The following CCDC9B variants were observed in gnomAD, a reference collection of about 807,000 sequenced individuals.
CCDC9B encodes coiled-coil domain containing 9B, also known as coiled-coil domain-containing protein 9B.
In CCDC9B, 40 loss-of-function variants were observed where a neutral mutation model predicts 47.2. The ratio of observed to expected loss-of-function variants is 0.85; its 90% CI spans 0.66 to 1.10. The LOEUF is 1.10. CCDC9B is among the 50% of genes least tolerant of loss of function. The pLI, the probability that CCDC9B is intolerant of heterozygous loss-of-function variation, is 0.00. For synonymous variants in CCDC9B, 238 were observed against 250.7 expected (o/e 0.95, Z 0.48); for missense variants, 662 against 651.0 (o/e 1.02, Z -0.18).
At chr15:40,338,981 A>G (rs1406785204) in intron 3 of CCDC9B, 78 bp from the exon 4 acceptor site, 1 of 1,540,172 alleles carries the variant, frequency 6.5e-7, no homozygotes, top group Admixed American at 1.7e-5. Context: ...GTGGTTCCCC[A>G]GGCCTGGGTT....
At chr15:40,338,166 G>A (rs569490252) in intron 5 of CCDC9B, 5 of 719,344 alleles carry the variant, frequency 7.0e-6, no homozygotes, top group South Asian at 3.0e-5. Flanking sequence ...GTATGCAGAC[G>A]GGCCGGAGTG....
intron 5 of CCDC9B, chr15:40,338,267 C>T (rs1889010402): frequency 3.2e-6 from 2 of 634,444 alleles, no homozygotes; most frequent in Middle Eastern, 4.2e-4. Flanking sequence ...TCAACTCCAC[C>T]CTCCTGCCCC....
rs201328343 is a variant in CCDC9B, at chr15:40,337,804, G to A, written c.603C>T (p.Ile201=). The A allele has an allele frequency of 2.2e-5, 35 of 1,610,196 alleles. No individual in the cohort carries two copies. Among genetic ancestry groups the A allele is most frequent in the African/African-American group, 6.7e-5 (5 of 74,916 alleles). The change falls in exon 6 of 11, where the codon ATC becomes ATT. Residue 201 remains isoleucine, a synonymous_variant. Coordinates refer to ENST00000397536, the MANE Select transcript of CCDC9B (RefSeq NM_207380.3). ...TGTGCCGGGCGAGGCGGGCTAGGTCGATCTGCTCCCGCTCCTGCTTCCACT... is the reference window on the plus strand; with the variant it reads ...TGTGCCGGGCGAGGCGGGCTAGGTCAATCTGCTCCCGCTCCTGCTTCCACT... The part of the protein sequence containing the change: ...YAQWKQEREQ[I]DLARLARHRD...
Position 40,339,980 on chromosome 15 carries a change from C to T in CCDC9B, c.48G>A (p.Gln16=). ...TPRAESPMSR[Q]EKDAELDRRI... is the part of the protein sequence containing the mutation. The stretch of plus-strand genomic sequence containing the variant: ...TCCGATCCAGCTCTGCGTCCTTCTC[C>T]TGCCTGCTCATGGGGGACTCGGCTC... Residue 16 remains glutamine, a synonymous_variant, in exon 2 of 11, where the codon CAG becomes CAA. Coordinates refer to ENST00000397536, the MANE Select transcript of CCDC9B (RefSeq NM_207380.3). The T allele has an allele frequency of 1.2e-6, 2 of 1,613,798 alleles. No homozygotes were observed. Among genetic ancestry groups the T allele is most frequent in the South Asian group, 1.1e-5 (1 of 91,090 alleles).
intron 1 of CCDC9B, chr15:40,340,509 G>C (rs1739317213): frequency 2.2e-6 from 1 of 451,838 alleles, no homozygotes; most frequent in Non-Finnish European, 3.9e-6. Flanking sequence ...CCAGCCTGGA[G>C]GAAAGAGCCG....
Position 40,338,841 on chromosome 15 carries a change from C to CA in CCDC9B, c.293_294insT (p.Glu98AspfsTer4). The stretch of plus-strand genomic sequence containing the variant: ...CCTCAGCATCCTCATCCTCAAGCAT[C>CA]TCGTTGGTCACTCTGGGTCCACAGG... On this transcript the variant is annotated frameshift_variant, in exon 4 of 11. Coordinates refer to ENST00000397536, the MANE Select transcript of CCDC9B (RefSeq NM_207380.3). LOFTEE classifies it high-confidence loss of function. 6.2e-7 allele frequency: 1 copy of CA among 1,614,220 alleles called. No individual in the cohort carries two copies. Among genetic ancestry groups the CA allele is most frequent in the Non-Finnish European group, 8.5e-7 (1 of 1,180,028 alleles).
In CCDC9B at chr15:40,334,105, C is replaced by T. The variant is rs2141245032; in HGVS notation, c.*1053G>A. 1 of 152,858 alleles carries T rather than the reference C, an allele frequency of 6.5e-6. No homozygotes were observed. Among genetic ancestry groups the T allele is most frequent in the South Asian group, 2.1e-4 (1 of 4,820 alleles). The allele number at this position is 152,858 out of a possible 1,614,324, so 9.5% of individuals were successfully genotyped here. A position where few individuals can be genotyped will look rare whatever the true frequency, so the allele number is the denominator to read the frequency against. ...TTCTTCCCTCCCTCCTGCTGGCAGT[C>T]TCCGTCGCCTACCGGCTGGATTACT... On this transcript the variant is annotated 3_prime_UTR_variant, in exon 11 of 11. Transcript: ENST00000397536.
Position 40,338,855 on chromosome 15 carries a change from T to G in CCDC9B, c.280A>C (p.Arg94=), listed in dbSNP as rs1220748757. The part of the protein sequence containing the change: ...RNWARGTCGP[R]VTNEMLEDED... The stretch of plus-strand genomic sequence containing the variant: ...TCCTCAAGCATCTCGTTGGTCACTC[T>G]GGGTCCACAGGTACCCCTTGCCCAG... Residue 94 remains arginine (R), a synonymous_variant, in exon 4 of 11, where the codon AGA becomes CGA. Coordinates refer to ENST00000397536, the MANE Select transcript of CCDC9B (RefSeq NM_207380.3). 4 of 1,614,180 alleles carry G rather than the reference T, an allele frequency of 2.5e-6. No individual in the cohort carries two copies. Among genetic ancestry groups the G allele is most frequent in the East Asian group, 4.5e-5 (2 of 44,884 alleles).
rs754292789 is a variant in CCDC9B at position 40,333,238 on chromosome 15, G to A, written c.*1920C>T. 6.6e-6 allele frequency: 1 copy of A among 152,320 alleles called. No homozygotes were observed. Among genetic ancestry groups the A allele is most frequent in the Non-Finnish European group, 1.5e-5 (1 of 68,106 alleles). The allele number at this position is 152,320 out of a possible 1,614,324, so 9.4% of individuals were successfully genotyped here. ...CTTAACTACTCAAAACCATGGTCCA[G>A]GAACCAGCATGGGCTTCACCTGAAG... On this transcript the variant is annotated 3_prime_UTR_variant, in exon 11 of 11. Transcript: ENST00000397536.
chr15:40,338,474 C>A, intron 5 of CCDC9B, 61 bp downstream of exon 5: 1 of 1,576,114 alleles, frequency 6.3e-7, no homozygotes, highest in Admixed American at 1.8e-5. Flanking sequence ...GACTCAGCTT[C>A]TCTGCCTCCC....
In CCDC9B at chr15:40,338,669, G is replaced by A; in HGVS notation, c.388-9C>T. The A allele has an allele frequency of 1.9e-6, 3 of 1,613,912 alleles. No homozygotes were observed. The highest frequency in any genetic ancestry group is 8.5e-7 in the Non-Finnish European group (1 of 1,179,922). On this transcript the variant is annotated splice_polypyrimidine_tract_variant and intron_variant, in intron 4 of 10. Coordinates refer to ENST00000397536, the MANE Select transcript of CCDC9B (RefSeq NM_207380.3). Reference sequence around the variant, plus strand: ...CTTACAATCCGTTTGCCCTGGGGAGGATGAAGATGGGCAGTGCAGCAGAGC... The same window carrying A: ...CTTACAATCCGTTTGCCCTGGGGAGAATGAAGATGGGCAGTGCAGCAGAGC...
rs1330281837 is a variant in CCDC9B, at chr15:40,338,913, A to G, written c.232-10T>C. 13 of 1,613,510 alleles carry G rather than the reference A, an allele frequency of 8.1e-6. No individual in the cohort carries two copies. The highest frequency in any genetic ancestry group is 1.1e-5 in the Non-Finnish European group (13 of 1,179,980). On this transcript the variant is annotated splice_polypyrimidine_tract_variant and intron_variant, in intron 3 of 10. Coordinates refer to ENST00000397536, the MANE Select transcript of CCDC9B (RefSeq NM_207380.3). ...TAACCACCCGCTTTTCCTGCAGAAC[A>G]AAGACCCTCAGGCCACATGGGCAGT... is the stretch of plus-strand genomic sequence containing the variant.
At position 40,338,766 on chromosome 15, in the gene CCDC9B, G is replaced by A. The variant is rs189762607; in HGVS notation, c.369C>T (p.Thr123=). The change falls in exon 4 of 11, where the codon ACC becomes ACT. Residue 123 remains threonine, a synonymous_variant. Coordinates refer to ENST00000397536, the MANE Select transcript of CCDC9B (RefSeq NM_207380.3). ...TGCTCACCTCTGCTTTGTTCTCCAT[G>A]GTCACAGCCAGCTCCACCAGCTCCC... is the stretch of plus-strand genomic sequence containing the variant. ...CLGELVELAV[T]MENKAEGKRI... 176 of 1,613,400 alleles carry A rather than the reference G, an allele frequency of 1.1e-4. 1 individual carries two copies. Among genetic ancestry groups the A allele is most frequent in the African/African-American group, 1.3e-5 (1 of 74,902 alleles).
chr15:40,335,512 C>G lies in CCDC9B; in HGVS notation c.1119G>C (p.Leu373Phe), dbSNP rs1281889723. The G allele has an allele frequency of 3.8e-6, 6 of 1,560,134 alleles. No individual in the cohort carries two copies. Among genetic ancestry groups the G allele is most frequent in the Admixed American group, 3.8e-5 (2 of 52,924 alleles). Residue 373 changes from leucine (L) to phenylalanine (F), a missense_variant, in exon 11 of 11, where the codon TTG becomes TTC. Coordinates refer to ENST00000397536, the MANE Select transcript of CCDC9B (RefSeq NM_207380.3). ...CTCCTAGGGAGAGGTCAAGAGGAGC[C>G]AAGTCAGGCTCCTGTGGAGAGCAGG... The part of the protein sequence containing the change: ...SVPCSPQEPD[L>F]APLDLSLGGA...
chr15:40,338,145 G>C, intron 5 of CCDC9B: 1 of 721,772 alleles, frequency 1.4e-6, no homozygotes, highest in Non-Finnish European at 2.6e-6. Flanking sequence ...ACCCACAGGG[G>C]TGTTGCAGGG....
In CCDC9B at chr15:40,339,529, TGGTAAC is replaced by T. The variant is rs1566908503; in HGVS notation, c.208_213del (p.Val70_Thr71del). On this transcript the variant is annotated inframe_deletion, in exon 3 of 11. Transcript: ENST00000397536. ...AGGCTTACACCGGGAACCTGGCTGA[TGGTAAC>T]GGTGAGGCCATCAGGCTGGAGGAGT... 6.2e-7 allele frequency: 1 copy of T among 1,613,734 alleles called. No individual in the cohort carries two copies. The highest frequency in any genetic ancestry group is 2.2e-5 in the East Asian group (1 of 44,862).
At position 40,336,778 on chromosome 15, in the gene CCDC9B, A is replaced by G. The variant is rs201560388; in HGVS notation, c.778T>C (p.Leu260=). ...RSHQKLQPPP[L]LPDGKGRGGQ... is the part of the protein sequence containing the mutation. ...AACTCACCTTTTCCATCAGGGAGCA[A>G]TGGTGGGGGCTGTAGTTTCTGGTGG... Residue 260 remains leucine (L), a synonymous_variant, in exon 8 of 11, where the codon TTG becomes CTG. Coordinates refer to ENST00000397536, the MANE Select transcript of CCDC9B (RefSeq NM_207380.3). The G allele has an allele frequency of 6.2e-7, 1 of 1,601,766 alleles. No individual in the cohort carries two copies. Among genetic ancestry groups the G allele is most frequent in the Non-Finnish European group, 8.5e-7 (1 of 1,175,502 alleles).
rs963699926 is a variant in CCDC9B, at chr15:40,331,906, A to G, written c.*3252T>C. 4 of 152,354 alleles carry G rather than the reference A, an allele frequency of 2.6e-5. No homozygotes were observed. Among genetic ancestry groups the G allele is most frequent in the African/African-American group, 7.2e-5 (3 of 41,420 alleles). The allele number at this position is 152,354 out of a possible 1,614,324, so 9.4% of individuals were successfully genotyped here. On this transcript the variant is annotated 3_prime_UTR_variant, in exon 11 of 11. Coordinates refer to ENST00000397536, the MANE Select transcript of CCDC9B (RefSeq NM_207380.3). The stretch of plus-strand genomic sequence containing the variant: ...TGGTCTATTGCATTTCCGTCCCGCC[A>G]TCTGTCAAAAATGGGCCTGGGACGG...
At chr15:40,338,691 G>C in intron 4 of CCDC9B, 31 bp from the exon 5 acceptor site, 1 of 1,612,326 alleles carries the variant, frequency 6.2e-7, no homozygotes, top group Non-Finnish European at 8.5e-7. Context: ...CAGTGCAGCA[G>C]AGCCAGGGAG....
Sources: gnomAD v4.1 joint callset for allele counts on GRCh38, gnomAD v4.1.1 for gene constraint, MANE v1.5 for transcripts, NCBI Gene and HGNC (gene_info 2026-07-23, HGNC 2026-07-21) for gene names.